The following FRMD3 variants were observed in gnomAD, a reference collection of about 807,000 sequenced individuals.
FRMD3 encodes the protein FERM domain-containing protein 3.
In FRMD3, 33 loss-of-function variants were observed where a neutral mutation model predicts 70.2. The ratio of observed to expected loss-of-function variants is 0.47; its 90% CI spans 0.36 to 0.63. The LOEUF is 0.63. Ranked by LOEUF, FRMD3 falls within the 20% of genes least tolerant of loss-of-function variation. FRMD3 has a pLI of 0.00. For missense variants in FRMD3, 632 were observed against 711.4 expected, an observed-to-expected ratio of 0.89 and a Z score of 1.27; for synonymous variants, 279 against 255.9, an observed-to-expected ratio of 1.09 and a Z score of -0.86.
the FRMD3 span, among the ~76,000 whole-genome samples, chr9:83,576,090 A>C: frequency 1.3e-5 from 2 of 152,156 alleles, no homozygotes; most frequent in Admixed American, 1.3e-4. Context: ...AAGACATCAT[A>C]AGAAAAGAAA....
chr9:83,267,383 C>T, intron 13 of FRMD3: 1 of 1,141,436 alleles, frequency 8.8e-7, no homozygotes, highest in Non-Finnish European at 1.1e-6. Context: ...ATGCATCATC[C>T]CTACTCTAGC....
intron 1 of FRMD3, among the ~76,000 whole-genome samples, chr9:83,397,680 A>C (rs572225662): frequency 2.6e-5 from 4 of 152,224 alleles, no homozygotes; most frequent in Admixed American, 1.3e-4. Context: ...GAGGGTTGTG[A>C]GGTTCTTGTT....
At chr9:83,372,127 G>A (rs1824994078) in intron 3 of FRMD3, among the ~76,000 whole-genome samples, 1 of 152,198 alleles carries the variant, frequency 6.6e-6, no homozygotes, top group African/African-American at 2.4e-5. Context: ...GGAGGGATAA[G>A]TGGATTTGGG....
At chr9:83,348,650 A>G (rs530000282) in intron 4 of FRMD3, among the ~76,000 whole-genome samples, 47 of 152,292 alleles carry the variant, frequency 3.1e-4, no homozygotes, top group Admixed American at 9.8e-4. Flanking sequence ...CAATGAAAAG[A>G]AAAAACCAGG....
chr9:83,514,363 A>G (rs1829406938), intron 1 of FRMD3, among the ~76,000 whole-genome samples: 1 of 152,302 alleles, frequency 6.6e-6, no homozygotes, highest in Admixed American at 6.5e-5. Context: ...TGAACTGGAC[A>G]GAGCCCACCG....
chr9:83,443,009 G>T (rs114979911), intron 1 of FRMD3, among the ~76,000 whole-genome samples: 1 of 152,102 alleles, frequency 6.6e-6, no homozygotes, highest in African/African-American at 2.4e-5. Context: ...AAATACATAT[G>T]GCCTTAGATG....
chr9:83,504,764 A>T, intron 1 of FRMD3, among the ~76,000 whole-genome samples: 1 of 152,198 alleles, frequency 6.6e-6, no homozygotes. Context: ...ACCTGTGATA[A>T]TTTTTATTTG....
At chr9:83,365,828 G>A (rs1430526429) in intron 3 of FRMD3, among the ~76,000 whole-genome samples, 3 of 152,202 alleles carry the variant, frequency 2.0e-5, no homozygotes, top group Non-Finnish European at 4.4e-5. Flanking sequence ...CCCTGAGGCT[G>A]AGCAGTTCCT....
At chr9:83,432,004 C>T (rs1462390120) in intron 1 of FRMD3, among the ~76,000 whole-genome samples, 1 of 152,162 alleles carries the variant, frequency 6.6e-6, no homozygotes, top group Non-Finnish European at 1.5e-5. Context: ...CGTGGCAGCT[C>T]GAGGCATAGA....
intron 1 of FRMD3, among the ~76,000 whole-genome samples, chr9:83,521,629 C>T (rs1477384555): frequency 1.3e-5 from 2 of 152,198 alleles, no homozygotes; most frequent in African/African-American, 2.4e-5. Context: ...CAAACCATGA[C>T]TCAATGGAGG....
intron 1 of FRMD3, among the ~76,000 whole-genome samples, chr9:83,456,464 AT>A (rs1365235286): frequency 6.6e-6 from 1 of 152,206 alleles, no homozygotes; most frequent in Non-Finnish European, 1.5e-5. Context: ...TAGAAATAAC[AT>A]ATTTTGGTAG....
At chr9:83,330,530 C>G (rs1836218847) in intron 6 of FRMD3, among the ~76,000 whole-genome samples, 1 of 152,122 alleles carries the variant, frequency 6.6e-6, no homozygotes, top group South Asian at 2.1e-4. Context: ...CTCCTGATAA[C>G]TTAAAATTAT....
intron 1 of FRMD3, among the ~76,000 whole-genome samples, chr9:83,479,344 AAGGAGG>A (rs58938099): frequency 9.2e-5 from 10 of 108,192 alleles, no homozygotes; most frequent in East Asian, 4.8e-4. Context: ...GAAGAGGAAG[AAGGAGG>A]AGGAGGAGGA....
At chr9:83,351,752 T>C (rs1300724699) in intron 3 of FRMD3, among the ~76,000 whole-genome samples, 1 of 150,354 alleles carries the variant, frequency 6.7e-6, no homozygotes, top group African/African-American at 2.5e-5. Context: ...CCTGCTTCAT[T>C]ATTCACTTTG....
intron 11 of FRMD3, 101 bp from the exon 12 acceptor site, chr9:83,298,917 A>T: frequency 8.3e-7 from 1 of 1,211,870 alleles, no homozygotes; most frequent in Non-Finnish European, 1.2e-6. Context: ...TGTCTGACCC[A>T]GCTATAGAAA....
intron 1 of FRMD3, among the ~76,000 whole-genome samples, chr9:83,492,744 C>A (rs1828857424): frequency 6.6e-6 from 1 of 152,232 alleles, no homozygotes; most frequent in Admixed American, 6.5e-5. Context: ...TCAGCCTCCA[C>A]CACTCACAAT....
At chr9:83,479,741 A>AAAGG (rs1828513138) in intron 1 of FRMD3, among the ~76,000 whole-genome samples, 1 of 13,854 alleles carries the variant, frequency 7.2e-5, no homozygotes, top group South Asian at 1.6e-3. Flanking sequence ...GAAAGAAAGA[A>AAAGG]AAAGAAAAGA....
intron 6 of FRMD3, among the ~76,000 whole-genome samples, chr9:83,320,911 C>T (rs1835777115): frequency 6.6e-6 from 1 of 152,032 alleles, no homozygotes; most frequent in Admixed American, 6.5e-5. Flanking sequence ...TTATTTCTTC[C>T]TGGTTCAATC....
At chr9:83,427,519 T>C (rs1055292285) in intron 1 of FRMD3, among the ~76,000 whole-genome samples, 1 of 152,214 alleles carries the variant, frequency 6.6e-6, no homozygotes, top group Non-Finnish European at 1.5e-5. Context: ...CCATATTTGA[T>C]TCATTCAATA....
Sources: allele counts gnomAD v4.1 joint callset (sites outside exome capture counted in the v4.1 genomes callset), GRCh38; gene constraint gnomAD v4.1.1; transcripts MANE v1.5; gene names NCBI Gene and HGNC (gene_info 2026-07-23, HGNC 2026-07-21).